SNAPC4: variants seen among roughly 807,000 people sequenced by gnomAD.
SNAPC4 encodes the protein small nuclear RNA activating complex polypeptide 4, also known as snRNA-activating protein complex subunit 4.
In SNAPC4, 127 loss-of-function variants were observed where a neutral mutation model predicts 151.3. That is an observed-to-expected ratio of 0.84 (90% CI 0.73 to 0.97). SNAPC4 has a LOEUF of 0.97. Among genes scored for constraint, SNAPC4 ranks in the 50% least tolerant of loss-of-function variants. The pLI is 0.00. For synonymous variants in SNAPC4, 1,002 were observed against 824.4 expected, an observed-to-expected ratio of 1.22 and a Z score of -3.69; for missense variants, 2,186 against 1,935.0, an observed-to-expected ratio of 1.13 and a Z score of -2.43.
chr9:136,380,304 G>T (rs1430689441), intron 20 of SNAPC4, among the ~76,000 whole-genome samples: 1 of 152,112 alleles, frequency 6.6e-6, no homozygotes. Context: ...GGAGAGGCGG[G>T]GGGGCTGGAA....
chr9:136,388,544 G>C lies in SNAPC4; in HGVS notation c.1023C>G (p.Asn341Lys), dbSNP rs753907470. ...TCCACTCCTTGCGTTTCAGAGCTTTGTTGTGCTGCTGGAATTTCTGCAGGC... is the reference window on the plus strand; with the variant it reads ...TCCACTCCTTGCGTTTCAGAGCTTTCTTGTGCTGCTGGAATTTCTGCAGGC... ...FQCLQKFQQH[N>K]KALKRKEWTE... Residue 341 changes from asparagine (N) to lysine (K), a missense_variant, in exon 11 of 24, where the codon AAC becomes AAG. Physicochemically the swap from Asn to Lys is moderately conservative, Grantham distance 94 (BLOSUM62 0). Coordinates refer to ENST00000684778, the MANE Select transcript of SNAPC4 (RefSeq NM_003086.4). The C allele has an allele frequency of 1.2e-6, 2 of 1,614,128 alleles. No individual in the cohort carries two copies. Among genetic ancestry groups the C allele is most frequent in the South Asian group, 2.2e-5 (2 of 91,090 alleles).
rs115871790 is a variant in SNAPC4, at chr9:136,396,707, C to T, written c.177+270G>A. Among the ~76,000 whole-genome samples, 545 of 152,272 alleles carry T rather than the reference C, an allele frequency of 3.6e-3. 2 individuals carry two copies. Among genetic ancestry groups the T allele is most frequent in the African/African-American group, 0.013 (525 of 41,550 alleles). On this transcript the variant is annotated intron_variant, in intron 3 of 23. Coordinates refer to ENST00000684778, the MANE Select transcript of SNAPC4 (RefSeq NM_003086.4). ...CGCAGGTGCACAACTCACAGCTTTC[C>T]GCAAGTGACAGATGCCACACAGGAG...
rs1196837339 is a variant in SNAPC4 at position 136,376,379 on chromosome 9, G to A, written c.4387C>T (p.Arg1463Trp). ...GCTCACACCAGCCGCCTCCGCTTCC[G>A]GGTGTGCCTGGCATGCCGGGTTCTG... Reference protein sequence around the residue: ...VLRTRHARHTRKRRRLV With the variant: ...VLRTRHARHTWKRRRLV The change falls in exon 23 of 24, where the codon CGG becomes TGG. Residue 1463 changes from arginine (R) to tryptophan (W), a missense_variant. Arg to Trp is a moderately radical substitution (Grantham distance 101, BLOSUM62 -3). Transcript: ENST00000684778. The A allele has an allele frequency of 9.9e-6, 16 of 1,613,174 alleles. No homozygotes were observed. Among genetic ancestry groups the A allele is most frequent in the East Asian group, 4.5e-5 (2 of 44,890 alleles).
rs531265378 is a variant in SNAPC4, at chr9:136,385,469, G to A, written c.1326-655C>T. Among the ~76,000 whole-genome samples the A allele has an allele frequency of 3.3e-5, 5 of 152,316 alleles. No individual in the cohort carries two copies. The East Asian group carries it at 9.6e-4, about 29-fold the overall frequency. On this transcript the variant is annotated intron_variant, in intron 13 of 23. Transcript: ENST00000684778. ...TAAACAGATATCTATGTAAAAAAGT[G>A]CAAGCAAATGTTCAGAATGTTTTCA...
intron 22 of SNAPC4, among the ~76,000 whole-genome samples, chr9:136,377,118 G>C (rs184573759): frequency 2.4e-4 from 36 of 151,892 alleles, no homozygotes; most frequent in African/African-American, 8.2e-4. Flanking sequence ...CAGCAGAGAG[G>C]GACCTTTGGG....
chr9:136,378,968 A>G lies in SNAPC4; in HGVS notation c.2859T>C (p.Ser953=). The G allele has an allele frequency of 1.2e-6, 2 of 1,608,794 alleles. No homozygotes were observed. The highest frequency in any genetic ancestry group is 4.5e-5 in the East Asian group (2 of 44,726). ...TGGCTGCCGCGGGGGCCCCAGGCCC[A>G]GAGAGCGGTACATTTAAGACGGTGG... ...PGPTVLNVPL[S]GPGAPAAAKP... is the part of the protein sequence containing the mutation. Residue 953 remains serine, a synonymous_variant, in exon 22 of 24, where the codon TCT becomes TCC. Coordinates refer to ENST00000684778, the MANE Select transcript of SNAPC4 (RefSeq NM_003086.4).
rs1177709176 is a variant in SNAPC4 at position 136,387,504 on chromosome 9, C to T, written c.1306G>A (p.Asp436Asn). ...KIREEVPGRS[D>N]AQCRDRYLRR... The stretch of plus-strand genomic sequence containing the variant: ...ACTCACCGATCTCGGCACTGGGCAT[C>T]GCTCCTACCTGGCACCTCTTCCCGG... Residue 436 changes from aspartate (D) to asparagine (N), a missense_variant, in exon 13 of 24, where the codon GAT becomes AAT. Asp to Asn is a conservative substitution (Grantham distance 23, BLOSUM62 1). Coordinates refer to ENST00000684778, the MANE Select transcript of SNAPC4 (RefSeq NM_003086.4). 9 of 1,613,192 alleles carry T rather than the reference C, an allele frequency of 5.6e-6. No individual in the cohort carries two copies. The highest frequency in any genetic ancestry group is 4.0e-5 in the African/African-American group (3 of 74,922).
At position 136,376,338 on chromosome 9, in the gene SNAPC4, T is replaced by G; in HGVS notation, c.*7+11A>C. The G allele has an allele frequency of 6.2e-7, 1 of 1,612,604 alleles. No individual in the cohort carries two copies. The highest frequency in any genetic ancestry group is 8.5e-7 in the Non-Finnish European group (1 of 1,179,808). On this transcript the variant is annotated intron_variant, in intron 23 of 23. Transcript: ENST00000684778. ...GGTTGTAGGGCAGTGGCCTCCCCACTCAGGACTCACCTGCTGCTCACACCA... is the reference window on the plus strand; with the variant it reads ...GGTTGTAGGGCAGTGGCCTCCCCACGCAGGACTCACCTGCTGCTCACACCA...
Position 136,378,039 on chromosome 9 carries a change from C to T in SNAPC4, c.3788G>A (p.Gly1263Glu). 1.3e-6 allele frequency: 2 copies of T among 1,586,046 alleles called. No individual in the cohort carries two copies. The highest frequency in any genetic ancestry group is 8.6e-7 in the Non-Finnish European group (1 of 1,167,000). Residue 1263 changes from glycine to glutamate, a missense_variant, in exon 22 of 24, where the codon GGG becomes GAG. Physicochemically the swap from Gly to Glu is moderately conservative, Grantham distance 98. Transcript: ENST00000684778. ...DLEKPPLPQP[G>E]PEKGALDLGL... ...CAGGTCCAGGGCCCCCTTCTCAGGC[C>T]CAGGCTGGGGTAGGGGCGGCTTCTC...
Position 136,385,273 on chromosome 9 carries a change from A to G in SNAPC4, c.1326-459T>C, listed in dbSNP as rs371411549. On this transcript the variant is annotated intron_variant, in intron 13 of 23. Coordinates refer to ENST00000684778, the MANE Select transcript of SNAPC4 (RefSeq NM_003086.4). ...CCCGCTAAGATGGCTAGAATCACAG[A>G]CAGATCACAAGTGCTGGTGAGAGTG... is the stretch of plus-strand genomic sequence containing the variant. Among the ~76,000 whole-genome samples, 45 of 152,332 alleles carry G rather than the reference A, an allele frequency of 3.0e-4. No homozygotes were observed. The East Asian group carries it at 5.0e-3, about 17-fold the overall frequency.
Position 136,377,828 on chromosome 9 carries a change from C to T in SNAPC4, c.3999G>A (p.Val1333=). ...ALEHKATSLV[V]GGEAERPAGA... is the part of the protein sequence containing the mutation. ...CGGCCGGCCGCTCAGCCTCGCCCCC[C>T]ACCACCAGGGAGGTGGCCTTGTGCT... Residue 1333 remains valine, a synonymous_variant, in exon 22 of 24, where the codon GTG becomes GTA. Transcript: ENST00000684778. The T allele has an allele frequency of 6.2e-7, 1 of 1,611,552 alleles. No homozygotes were observed. The highest frequency in any genetic ancestry group is 8.5e-7 in the Non-Finnish European group (1 of 1,179,792).
Position 136,392,096 on chromosome 9 carries a change from C to T in SNAPC4, c.821G>A (p.Ser274Asn), listed in dbSNP as rs773684600. 1 of 1,612,172 alleles carries T rather than the reference C, an allele frequency of 6.2e-7. No individual in the cohort carries two copies. Among genetic ancestry groups the T allele is most frequent in the East Asian group, 2.2e-5 (1 of 44,864 alleles). ...EKISNINFEGSRSAEEIRKFW... is the reference protein window; with the variant it reads ...EKISNINFEGNRSAEEIRKFW... ...CTTCCGGATCTCCTCTGCACTGCGGCTGCCTTCAAACTGCACCGACAGAGA... is the reference window on the plus strand; with the variant it reads ...CTTCCGGATCTCCTCTGCACTGCGGTTGCCTTCAAACTGCACCGACAGAGA... The change falls in exon 10 of 24, where the codon AGC (serine) becomes AAC (asparagine). Residue 274 changes from serine to asparagine, a missense_variant. Physicochemically the swap from Ser to Asn is conservative, Grantham distance 46 (BLOSUM62 1). Transcript: ENST00000684778.
intron 7 of SNAPC4, among the ~76,000 whole-genome samples, chr9:136,393,908 G>A (rs1342424778): frequency 1.3e-5 from 2 of 152,196 alleles, no homozygotes; most frequent in Non-Finnish European, 2.9e-5. Flanking sequence ...TTTCCTGTTG[G>A]CCAGGAAAGG....
Position 136,392,116 on chromosome 9 carries a change from C to G in SNAPC4, c.811-10G>C. ...TGCGGCTGCCTTCAAACTGCACCGACAGAGACACTCAGCCTTGCAGGCCAC... is the reference window on the plus strand; with the variant it reads ...TGCGGCTGCCTTCAAACTGCACCGAGAGAGACACTCAGCCTTGCAGGCCAC... On this transcript the variant is annotated splice_polypyrimidine_tract_variant and intron_variant, in intron 9 of 23. Coordinates refer to ENST00000684778, the MANE Select transcript of SNAPC4 (RefSeq NM_003086.4). 1 of 1,611,028 alleles carries G rather than the reference C, an allele frequency of 6.2e-7. No individual in the cohort carries two copies. The highest frequency in any genetic ancestry group is 8.5e-7 in the Non-Finnish European group (1 of 1,180,002).
At chr9:136,395,088 G>A (rs762847485) in intron 5 of SNAPC4, among the ~76,000 whole-genome samples, 52 of 152,362 alleles carry the variant, frequency 3.4e-4, no homozygotes, top group African/African-American at 1.2e-3. Flanking sequence ...CCTCCACGAG[G>A]GCTTGCTCAT....
Position 136,378,927 on chromosome 9 carries a change from C to A in SNAPC4, c.2900G>T (p.Gly967Val), listed in dbSNP as rs753013915. The change falls in exon 22 of 24, where the codon GGC becomes GTC. Residue 967 changes from glycine to valine, a missense_variant. Physicochemically the swap from Gly to Val is moderately radical, Grantham distance 109. Coordinates refer to ENST00000684778, the MANE Select transcript of SNAPC4 (RefSeq NM_003086.4). ...TGAAGTCCCAGCCTCCTGCCAGGAG[C>A]CAGAAGTGCCAGGTTTGGCTGCCGC... is the stretch of plus-strand genomic sequence containing the variant. ...APAAAKPGTSGSWQEAGTSAK... is the reference protein window; with the variant it reads ...APAAAKPGTSVSWQEAGTSAK... 1.2e-6 allele frequency: 2 copies of A among 1,610,550 alleles called. No individual in the cohort carries two copies. Among genetic ancestry groups the A allele is most frequent in the Non-Finnish European group, 1.7e-6 (2 of 1,179,412 alleles).
chr9:136,387,977 A>C, intron 11 of SNAPC4, 129 bp from the exon 12 acceptor site: 1 of 655,318 alleles, frequency 1.5e-6, no homozygotes, highest in Admixed American at 2.4e-5. Context: ...ATAGAAAAGA[A>C]TCACTTTGGC....
chr9:136,381,508 C>G, intron 18 of SNAPC4, 116 bp from the exon 19 acceptor site: 1 of 973,294 alleles, frequency 1.0e-6, no homozygotes, highest in Non-Finnish European at 1.6e-6. Flanking sequence ...GGAGCCAGGC[C>G]AGGGTGGGAG....
chr9:136,379,722 G>A lies in SNAPC4; in HGVS notation c.2527+115C>T. 5 of 980,868 alleles carry A rather than the reference G, an allele frequency of 5.1e-6. No homozygotes were observed. In the South Asian group the frequency reaches 5.5e-5, roughly 11 times the overall value. The allele number at this position is 980,868 out of a possible 1,614,324, so 60.8% of individuals were successfully genotyped here. A position where few individuals can be genotyped will look rare whatever the true frequency, so the allele number is the denominator to read the frequency against. ...GACTCGAGGGAGCTCTGTCACCAGG[G>A]GCCACAGGCTGTGCTGCTTGGGGGC... On this transcript the variant is annotated intron_variant, in intron 21 of 23. Transcript: ENST00000684778.
Sources: allele counts gnomAD v4.1 joint callset (sites outside exome capture counted in the v4.1 genomes callset), GRCh38; gene constraint gnomAD v4.1.1; transcripts MANE v1.5; gene names NCBI Gene and HGNC (gene_info 2026-07-23, HGNC 2026-07-21).